NSUN5: variants seen among roughly 807,000 people sequenced by gnomAD.
NSUN5 encodes the protein NOP2/Sun RNA methyltransferase 5.
Under a neutral mutation model 51.1 loss-of-function variants are expected in NSUN5, and 39 were observed. The observed-to-expected ratio is 0.76, with a 90% CI of 0.59 to 1.00. NSUN5 has a LOEUF of 1.00. Among genes scored for constraint, NSUN5 ranks in the 50% least tolerant of loss-of-function variants. The pLI is 0.00. For missense variants in NSUN5, 526 were observed against 614.0 expected, an observed-to-expected ratio of 0.86 and a Z score of 1.51; for synonymous variants, 266 against 271.5, an observed-to-expected ratio of 0.98 and a Z score of 0.20.
intron 2 of NSUN5, 34 bp downstream of exon 2, chr7:73,308,397 G>A (rs1554542255): frequency 1.3e-6 from 2 of 1,563,204 alleles, no homozygotes; most frequent in Admixed American, 3.6e-5. Flanking sequence ...GCTGACCGTC[G>A]GGGTTCACTT....
chr7:73,306,211 C>T (rs577295011), intron 4 of NSUN5, among the ~76,000 whole-genome samples: 1 of 151,150 alleles, frequency 6.6e-6, no homozygotes, highest in African/African-American at 2.4e-5. Context: ...ATGGAGAAAC[C>T]CCGTCTCTAC....
chr7:73,305,219 GA>G (rs1485634578), intron 4 of NSUN5, 122 bp from the exon 5 acceptor site: 2 of 1,332,986 alleles, frequency 1.5e-6, no homozygotes, highest in Non-Finnish European at 2.1e-6. Context: ...TGATAAGCTA[GA>G]GATGGGCGGA....
At position 73,303,745 on chromosome 7, in the gene NSUN5, A is replaced by C; in HGVS notation, c.1146-5T>G. Reference sequence around the variant, plus strand: ...GCAGGCAGGGCGGGAGCTAGCCTGCAAGAGAAACGGCCCCAATGCTGGGTA... The same window carrying C: ...GCAGGCAGGGCGGGAGCTAGCCTGCCAGAGAAACGGCCCCAATGCTGGGTA... On this transcript the variant is annotated splice_polypyrimidine_tract_variant and splice_region_variant and intron_variant, in intron 8 of 9. Transcript: ENST00000438747. The C allele has an allele frequency of 6.2e-7, 1 of 1,614,054 alleles. No homozygotes were observed. The highest frequency in any genetic ancestry group is 1.1e-5 in the South Asian group (1 of 91,080).
chr7:73,303,274 C>G lies in NSUN5; in HGVS notation c.*141G>C. 6.2e-7 allele frequency: 1 copy of G among 1,608,298 alleles called. No individual in the cohort carries two copies. Among genetic ancestry groups the G allele is most frequent in the South Asian group, 1.1e-5 (1 of 90,972 alleles). Reference sequence around the variant, plus strand: ...ATTTTTGCAGGCAACACTTTGCTCACCAGCAAGAACACAGCCCAAGGAAGG... The same window carrying G: ...ATTTTTGCAGGCAACACTTTGCTCAGCAGCAAGAACACAGCCCAAGGAAGG... On this transcript the variant is annotated 3_prime_UTR_variant, in exon 10 of 10. Transcript: ENST00000438747.
intron 1 of NSUN5, 23 bp downstream of exon 1, chr7:73,308,675 C>T (rs782595397): frequency 6.3e-7 from 1 of 1,576,660 alleles, no homozygotes; most frequent in South Asian, 1.1e-5. Context: ...CCCACCCCTA[C>T]TACTCGCGCC....
Position 73,308,565 on chromosome 7 carries a change from A to T in NSUN5, c.94-12T>A, listed in dbSNP as rs782391454. 2 of 1,594,412 alleles carry T rather than the reference A, an allele frequency of 1.3e-6. No homozygotes were observed. The highest frequency in any genetic ancestry group is 1.7e-5 in the Admixed American group (1 of 59,514). ...AGCTGCTTCACGTTCTGTGTGGCCG[A>T]GGAAGACAAGCTGGGTGGGGGCTCC... On this transcript the variant is annotated splice_polypyrimidine_tract_variant and intron_variant, in intron 1 of 9. Transcript: ENST00000438747.
In NSUN5 at chr7:73,307,636, C is replaced by T. The variant is rs368598097; in HGVS notation, c.338G>A (p.Arg113Gln). ...CAGGTCCTCATTCCGGCTCACACCC[C>T]GATGAACCTTGAGCCGAGCCAACTC... ...KAELARLKVHRGVSRNEDLLE... is the reference protein window; with the variant it reads ...KAELARLKVHQGVSRNEDLLE... The change falls in exon 3 of 10, where the codon CGG becomes CAG. Residue 113 changes from arginine to glutamine, a missense_variant. Coordinates refer to ENST00000438747, the MANE Select transcript of NSUN5 (RefSeq NM_148956.4). 7 of 1,613,052 alleles carry T rather than the reference C, an allele frequency of 4.3e-6. No homozygotes were observed. The African/African-American group carries it at 5.4e-5, about 12-fold the overall frequency.
At chr7:73,304,468 A>G in intron 6 of NSUN5, 60 bp from the exon 7 acceptor site, 1 of 1,481,786 alleles carries the variant, frequency 6.7e-7, no homozygotes, top group Non-Finnish European at 9.2e-7. Context: ...TGTCACAGCC[A>G]ACCAGAACAT....
intron 1 of NSUN5, 66 bp downstream of exon 1, chr7:73,308,632 G>A (rs1804151041): frequency 5.0e-6 from 8 of 1,586,204 alleles, no homozygotes; most frequent in Non-Finnish European, 6.9e-6. Flanking sequence ...ACCCCACCCG[G>A]GCCCGTCCGA....
chr7:73,307,032 A>G (rs1554541901), intron 4 of NSUN5, among the ~76,000 whole-genome samples: 1 of 152,220 alleles, frequency 6.6e-6, no homozygotes, highest in East Asian at 1.9e-4. Flanking sequence ...GGGATGTACT[A>G]GGTGTAAAGT....
chr7:73,308,614 ACCTC>A, intron 1 of NSUN5, 61 bp from the exon 2 acceptor site: 1 of 1,311,010 alleles, frequency 7.6e-7, no homozygotes, highest in Non-Finnish European at 1.0e-6. Context: ...GCCGGGCCCC[ACCTC>A]CCGACCCCAC....
chr7:73,305,097 G>C lies in NSUN5; in HGVS notation c.501C>G (p.Ser167Arg), dbSNP rs782652718. 6.2e-7 allele frequency: 1 copy of C among 1,610,078 alleles called. No individual in the cohort carries two copies. The highest frequency in any genetic ancestry group is 8.5e-7 in the Non-Finnish European group (1 of 1,177,532). The change falls in exon 5 of 10, where the codon AGC (serine) becomes AGG (arginine). Residue 167 changes from serine to arginine, a missense_variant and splice_region_variant. Coordinates refer to ENST00000438747, the MANE Select transcript of NSUN5 (RefSeq NM_148956.4). Reference sequence around the variant, plus strand: ...CCTTGAGGGCTCGTAAGTCATCGAGGCTGCCAGGGAAGAACCATTCATTCA... The same window carrying C: ...CCTTGAGGGCTCGTAAGTCATCGAGCCTGCCAGGGAAGAACCATTCATTCA... ...QGFSYQGRAS[S>R]LDDLRALKGK...
In NSUN5 at chr7:73,307,749, C is replaced by A. The variant is rs1554542144; in HGVS notation, c.225G>T (p.Val75=). The change falls in exon 3 of 10, where the codon GTG becomes GTT. Residue 75 remains valine (V), a synonymous_variant. Transcript: ENST00000438747. ...KLRPHLAKVL[V]YELLLGKGFR... is the part of the protein sequence containing the mutation. The stretch of plus-strand genomic sequence containing the variant: ...AGCCCTTTCCCAACAACAACTCATA[C>A]ACTAGCACCTGGGAATGAGGGAACA... 6.4e-7 allele frequency: 1 copy of A among 1,556,800 alleles called. No homozygotes were observed. Among genetic ancestry groups the A allele is most frequent in the East Asian group, 2.4e-5 (1 of 41,534 alleles).
rs782736199 is a variant in NSUN5, at chr7:73,308,536, G to T, written c.111C>A (p.Tyr37Ter). Residue 37 changes from tyrosine (Y) to a stop codon, truncating the protein, a stop_gained, in exon 2 of 10, where the codon TAC (tyrosine) becomes TAA (stop). Transcript: ENST00000438747. LOFTEE classifies it high-confidence loss of function. The part of the protein sequence containing the change: ...SSNFQNVKQL[Y>*]ALVCETQRYS... ...AGCGCTGCGTTTCGCACACCAGCGC[G>T]TACAGCTGCTTCACGTTCTGTGTGG... 6.4e-5 allele frequency: 102 copies of T among 1,601,786 alleles called. No homozygotes were observed. The highest frequency in any genetic ancestry group is 2.0e-4 in the Admixed American group (12 of 59,782).
chr7:73,305,462 CT>C lies in NSUN5; in HGVS notation c.501-366del, dbSNP rs782168515. 2.6e-3 allele frequency among the ~76,000 whole-genome samples: 342 copies of C among 132,104 alleles called. 2 individuals carry two copies. Among genetic ancestry groups the C allele is most frequent in the South Asian group, 3.7e-3 (15 of 4,104 alleles). 86.7% of individuals were successfully genotyped at this position (132,104 alleles called of 152,430 possible). Reference sequence around the variant, plus strand: ...GAAGCATAACCTTGGAAAAAGTTTACTTTTTTTTTTTTTTTTTTTTGAGACG... The same window carrying C: ...GAAGCATAACCTTGGAAAAAGTTTACTTTTTTTTTTTTTTTTTTTGAGACG... On this transcript the variant is annotated intron_variant, in intron 4 of 9. Coordinates refer to ENST00000438747, the MANE Select transcript of NSUN5 (RefSeq NM_148956.4).
At chr7:73,307,989 T>C in intron 2 of NSUN5, 3 of 552,550 alleles carry the variant, frequency 5.4e-6, no homozygotes, top group Non-Finnish European at 3.2e-6. Context: ...TGTTCACCAG[T>C]AGACACCTCT....
chr7:73,306,103 GC>G (rs1339227227), intron 4 of NSUN5, among the ~76,000 whole-genome samples: 1 of 152,142 alleles, frequency 6.6e-6, no homozygotes, highest in Non-Finnish European at 1.5e-5. Context: ...GCTTAGCATG[GC>G]CGGGCACGGT....
At position 73,302,910 on chromosome 7, in the gene NSUN5, C is replaced by A; in HGVS notation, c.*505G>T. 9.6e-7 allele frequency: 1 copy of A among 1,043,454 alleles called. No homozygotes were observed. The highest frequency in any genetic ancestry group is 1.2e-6 in the Non-Finnish European group (1 of 862,726). 64.6% of individuals were successfully genotyped at this position (1,043,454 alleles called of 1,614,324 possible). A position where few individuals can be genotyped will look rare whatever the true frequency, so the allele number is the denominator to read the frequency against. On this transcript the variant is annotated 3_prime_UTR_variant, in exon 10 of 10. Transcript: ENST00000438747. ...AGGGAGTGAACCTCAAGCCTAAATA[C>A]CTGTTAGGATTGGAGGGTCTGGGTG...
At position 73,304,374 on chromosome 7, in the gene NSUN5, G is replaced by A. The variant is rs570179203; in HGVS notation, c.790C>T (p.Leu264=). ...GCCAGCAGCGTGGCCATGGATGCCA[G>A]CCGCTTGGCATCCAGGTCAAAGGCA... ...IFAFDLDAKR[L]ASMATLLARA... is the part of the protein sequence containing the mutation. Residue 264 remains leucine, a synonymous_variant, in exon 7 of 10, where the codon CTG becomes TTG. Transcript: ENST00000438747. 12 of 1,613,580 alleles carry A rather than the reference G, an allele frequency of 7.4e-6. No homozygotes were observed. In the African/African-American group the frequency reaches 1.6e-4, roughly 22 times the overall value.
Sources: gnomAD v4.1 joint callset for allele counts (sites outside exome capture counted in the v4.1 genomes callset) on GRCh38, gnomAD v4.1.1 for gene constraint, MANE v1.5 for transcripts, NCBI Gene and HGNC (gene_info 2026-07-23, HGNC 2026-07-21) for gene names.